TFDP2: variants seen among roughly 807,000 people sequenced by gnomAD.
The protein encoded by TFDP2 is transcription factor Dp-2 (E2F dimerization partner 2).
Under a neutral mutation model 59.3 loss-of-function variants are expected in TFDP2, and 17 were observed. That is an observed-to-expected ratio of 0.29 (90% CI 0.20 to 0.43). The LOEUF (loss-of-function observed/expected upper bound fraction) is 0.43. Ranked by LOEUF, TFDP2 falls within the 20% of genes least tolerant of loss-of-function variation. TFDP2 has a pLI of 1.00. For missense variants in TFDP2, 391 were observed against 528.8 expected, an observed-to-expected ratio of 0.74 and a Z score of 2.56; for synonymous variants, 180 against 194.7, an observed-to-expected ratio of 0.92 and a Z score of 0.63.
chr3:142,079,616 G>A (rs2060570496), intron 3 of TFDP2, among the ~76,000 whole-genome samples: 1 of 152,044 alleles, frequency 6.6e-6, no homozygotes, highest in Non-Finnish European at 1.5e-5. Context: ...GAAGGTCAAA[G>A]ATAAAGAAAG....
At chr3:142,129,372 C>G (rs1476542450) in intron 1 of TFDP2, among the ~76,000 whole-genome samples, 16 of 151,780 alleles carry the variant, frequency 1.1e-4, no homozygotes, top group Admixed American at 1.1e-3. Context: ...TTCCTAGACA[C>G]AGCAAAACAT....
intron 3 of TFDP2, among the ~76,000 whole-genome samples, chr3:142,042,814 A>G (rs1270243457): frequency 7.5e-6 from 1 of 132,774 alleles, no homozygotes; most frequent in African/African-American, 2.9e-5. Flanking sequence ...ATCTCGGCTC[A>G]CCACAACCTC....
intron 7 of TFDP2, among the ~76,000 whole-genome samples, chr3:141,974,895 TTTC>T (rs763156785): frequency 4.2e-5 from 6 of 143,414 alleles, no homozygotes; most frequent in Admixed American, 1.4e-4. Flanking sequence ...GCTGACCATT[TTTC>T]TTCTTCTTCT....
intron 3 of TFDP2, among the ~76,000 whole-genome samples, chr3:142,089,528 G>A (rs1009850307): frequency 2.0e-5 from 3 of 152,030 alleles, no homozygotes; most frequent in Non-Finnish European, 4.4e-5. Flanking sequence ...GCAGGGGAGT[G>A]ACCCAGTAAC....
At chr3:142,017,517 C>G (rs1188469440) in intron 3 of TFDP2, among the ~76,000 whole-genome samples, 2 of 151,088 alleles carry the variant, frequency 1.3e-5, no homozygotes, top group East Asian at 1.9e-4. Flanking sequence ...AAAATATCCT[C>G]AGCATATGCA....
intron 3 of TFDP2, among the ~76,000 whole-genome samples, chr3:142,075,481 G>C (rs1270447653): frequency 1.3e-5 from 2 of 152,160 alleles, no homozygotes; most frequent in Non-Finnish European, 1.5e-5. Context: ...ATCCTGCGTA[G>C]AGCACACTAG....
intron 11 of TFDP2, among the ~76,000 whole-genome samples, chr3:141,959,247 C>T (rs1479098108): frequency 6.6e-6 from 1 of 152,010 alleles, no homozygotes. Context: ...TGAGCTGCAG[C>T]GCCCGGCCAG....
intron 2 of TFDP2, among the ~76,000 whole-genome samples, chr3:142,095,586 C>G (rs1262240195): frequency 4.6e-5 from 7 of 152,078 alleles, no homozygotes; most frequent in African/African-American, 1.2e-4. Flanking sequence ...AGTGCAGATA[C>G]TTAACTTTGT....
intron 3 of TFDP2, among the ~76,000 whole-genome samples, chr3:142,012,897 G>C (rs1944834085): frequency 6.6e-6 from 1 of 152,160 alleles, no homozygotes; most frequent in African/African-American, 2.4e-5. Flanking sequence ...CCAGCACTTT[G>C]GGAGGCCGAG....
At chr3:142,131,892 G>T (rs1189239368) in intron 1 of TFDP2, among the ~76,000 whole-genome samples, 1 of 148,582 alleles carries the variant, frequency 6.7e-6, no homozygotes, top group Non-Finnish European at 1.5e-5. Flanking sequence ...TGTAATCCCA[G>T]CTACTCGGGA....
At chr3:141,971,646 T>C (rs530236552) in intron 8 of TFDP2, among the ~76,000 whole-genome samples, 51 of 152,292 alleles carry the variant, frequency 3.3e-4, no homozygotes, top group African/African-American at 1.2e-3. Flanking sequence ...TCACTCATGC[T>C]GAAATGCCAC....
intron 3 of TFDP2, among the ~76,000 whole-genome samples, chr3:142,014,035 C>T (rs572884427): frequency 6.6e-6 from 1 of 152,238 alleles, no homozygotes; most frequent in African/African-American, 2.4e-5. Flanking sequence ...AGAAATAATA[C>T]ATATTTTTTG....
chr3:141,995,135 T>C lies in TFDP2; in HGVS notation c.193A>G (p.Ser65Gly). ...GAACTGGTTAGTCTCTGTGGTGTGC[T>C]TATAATCTGTAAAGTTAGGAACAAA... is the stretch of plus-strand genomic sequence containing the variant. ...NVNVGPQMII[S>G]TPQRLTSSGS... The change falls in exon 5 of 13, where the codon AGC becomes GGC. Residue 65 changes from serine to glycine, a missense_variant. Ser to Gly is a moderately conservative substitution (Grantham distance 56). Around this residue, in one of 3 missense-constraint regions of TFDP2, gnomAD observed 162 missense variants for 206.8 expected, o/e 0.78. Coordinates refer to ENST00000489671, the MANE Select transcript of TFDP2 (RefSeq NM_001178139.2). 2 of 1,586,258 alleles carry C rather than the reference T, an allele frequency of 1.3e-6. No individual in the cohort carries two copies. Among genetic ancestry groups the C allele is most frequent in the Non-Finnish European group, 1.7e-6 (2 of 1,167,246 alleles).
At chr3:142,108,989 G>A (rs994210731) in intron 1 of TFDP2, among the ~76,000 whole-genome samples, 3 of 152,298 alleles carry the variant, frequency 2.0e-5, no homozygotes, top group Admixed American at 2.0e-4. Flanking sequence ...TAGGTAAGGG[G>A]TATCAACCTA....
chr3:142,115,082 T>C (rs2061802416), intron 1 of TFDP2, among the ~76,000 whole-genome samples: 3 of 152,138 alleles, frequency 2.0e-5, no homozygotes, highest in Admixed American at 2.0e-4. Flanking sequence ...TCCACTACAA[T>C]TCTAACTAGC....
intron 3 of TFDP2, among the ~76,000 whole-genome samples, chr3:142,042,970 G>A (rs1171567642): frequency 1.3e-5 from 2 of 150,504 alleles, no homozygotes; most frequent in Non-Finnish European, 3.0e-5. Context: ...TCGAACTCCC[G>A]ACCTCAGGTG....
chr3:141,952,427 G>T lies in TFDP2; in HGVS notation c.*86C>A, dbSNP rs1576432740. The T allele has an allele frequency of 7.5e-7, 1 of 1,330,724 alleles. No homozygotes were observed. Among genetic ancestry groups the T allele is most frequent in the African/African-American group, 1.5e-5 (1 of 66,020 alleles). 82.4% of individuals were successfully genotyped at this position (1,330,724 alleles called of 1,614,324 possible). A position where few individuals can be genotyped will look rare whatever the true frequency, so the allele number is the denominator to read the frequency against. On this transcript the variant is annotated 3_prime_UTR_variant, in exon 13 of 13. Coordinates refer to ENST00000489671, the MANE Select transcript of TFDP2 (RefSeq NM_001178139.2). Reference sequence around the variant, plus strand: ...AACACACAGTGCAAACAAAGGCAAAGACTGAAGCAATCATTTCAAAAACAA... The same window carrying T: ...AACACACAGTGCAAACAAAGGCAAATACTGAAGCAATCATTTCAAAAACAA...
chr3:142,134,745 T>C lies in TFDP2; in HGVS notation c.-93+14438A>G, dbSNP rs377674750. 7.0e-4 allele frequency among the ~76,000 whole-genome samples: 106 copies of C among 152,156 alleles called. 2 individuals carry two copies. Among genetic ancestry groups the C allele is most frequent in the African/African-American group, 4.3e-4 (18 of 41,544 alleles). ...GTCAGAAGCTCCTAATATTAACACA[T>C]AGATAGGTAGATAGAAAGACAACAG... On this transcript the variant is annotated intron_variant, in intron 1 of 12. Transcript: ENST00000489671.
Position 141,949,079 on chromosome 3 carries a change from A to G in TFDP2, c.*3434T>C, listed in dbSNP as rs1935619847. 6.1e-5 allele frequency: 2 copies of G among 32,904 alleles called. No individual in the cohort carries two copies. The highest frequency in any genetic ancestry group is 9.2e-5 in the African/African-American group (1 of 10,858). The allele number at this position is 32,904 out of a possible 1,614,324, so 2.0% of individuals were successfully genotyped here. A position where few individuals can be genotyped will look rare whatever the true frequency, so the allele number is the denominator to read the frequency against. On this transcript the variant is annotated 3_prime_UTR_variant, in exon 13 of 13. Coordinates refer to ENST00000489671, the MANE Select transcript of TFDP2 (RefSeq NM_001178139.2). ...CAACAGAGCGAGACTCAGTCTCAAA[A>G]AAAAAAAAAAAAAAAAAAAAAATTT...
Sources: allele counts gnomAD v4.1 joint callset (sites outside exome capture counted in the v4.1 genomes callset), GRCh38; gene constraint gnomAD v4.1.1; regional missense constraint gnomAD v4.1.1; transcripts MANE v1.5; gene names NCBI Gene and HGNC (gene_info 2026-07-23, HGNC 2026-07-21).